Variants in PAK1 observed in about 807,000 individuals in gnomAD.
PAK1 encodes serine/threonine-protein kinase PAK 1.
PAK1 carries 29 observed loss-of-function variants against 67.4 expected under a neutral mutation model. The ratio of observed to expected loss-of-function variants is 0.43; its 90% CI spans 0.32 to 0.59. The LOEUF is 0.59. Ranked by LOEUF, PAK1 falls within the 20% of genes least tolerant of loss-of-function variation. The probability of loss-of-function intolerance (pLI) is 0.07; values close to 1 mark genes in which losing one functional copy is unlikely to be tolerated. For missense variants in PAK1, 337 were observed against 670.7 expected (o/e 0.50, Z 5.50); for synonymous variants, 223 against 237.4 (o/e 0.94, Z 0.56).
chr11:77,510,397 A>C, the PAK1 span, among the ~76,000 whole-genome samples: 1 of 152,166 alleles, frequency 6.6e-6, no homozygotes, highest in East Asian at 1.9e-4. Flanking sequence ...TGCCCAGCTA[A>C]TTGTTGTACT....
At chr11:77,513,920 C>T in the PAK1 span, among the ~76,000 whole-genome samples, 1 of 152,154 alleles carries the variant, frequency 6.6e-6, no homozygotes, top group African/African-American at 2.4e-5. Flanking sequence ...GTGCCAAGTA[C>T]TGTGCTGGAC....
intron 1 of PAK1, among the ~76,000 whole-genome samples, chr11:77,396,795 T>C (rs1374960971): frequency 6.6e-6 from 1 of 151,924 alleles, no homozygotes; most frequent in Non-Finnish European, 1.5e-5. Flanking sequence ...TTAAGGTTTC[T>C]ATACTACTTT....
chr11:77,380,216 G>A (rs140343879), intron 2 of PAK1, among the ~76,000 whole-genome samples: 450 of 152,254 alleles, frequency 3.0e-3, no homozygotes, highest in African/African-American at 0.01. Flanking sequence ...GGAGGTGGCC[G>A]GGCACGGTGG....
In PAK1 at chr11:77,353,532, TA is replaced by T; in HGVS notation, c.836+3del. On this transcript the variant is annotated splice_donor_region_variant and intron_variant, in intron 8 of 14. Transcript: ENST00000356341. ...CTCCAGGGAAAGAAAATGCCCCTAC[TA>T]ACCCTTGTCCAATCTTCTCAAACCG... 6.2e-7 allele frequency: 1 copy of T among 1,600,264 alleles called. No homozygotes were observed. Among genetic ancestry groups the T allele is most frequent in the Non-Finnish European group, 8.6e-7 (1 of 1,167,552 alleles).
intron 1 of PAK1, among the ~76,000 whole-genome samples, chr11:77,441,652 C>T (rs572449266): frequency 6.6e-6 from 1 of 152,352 alleles, no homozygotes; most frequent in Non-Finnish European, 1.5e-5. Flanking sequence ...AGAGAGAGAA[C>T]ATGACTTAGG....
intron 1 of PAK1, among the ~76,000 whole-genome samples, chr11:77,400,221 TA>T (rs1286185295): frequency 6.6e-6 from 1 of 152,084 alleles, no homozygotes; most frequent in African/African-American, 2.4e-5. Context: ...GACCACAGAA[TA>T]ACATAAATGT....
intron 2 of PAK1, among the ~76,000 whole-genome samples, chr11:77,385,141 G>C (rs1950293192): frequency 6.6e-6 from 1 of 152,104 alleles, no homozygotes; most frequent in Non-Finnish European, 1.5e-5. Flanking sequence ...AGCTTTTCCT[G>C]AGATTAAAAA....
chr11:77,452,235 T>C (rs1956891027), intron 1 of PAK1, among the ~76,000 whole-genome samples: 1 of 152,186 alleles, frequency 6.6e-6, no homozygotes, highest in South Asian at 2.1e-4. Flanking sequence ...ATTTTATAAA[T>C]AGGAAACTGG....
intron 1 of PAK1, among the ~76,000 whole-genome samples, chr11:77,425,927 T>C (rs1236342432): frequency 6.6e-6 from 1 of 151,972 alleles, no homozygotes; most frequent in Non-Finnish European, 1.5e-5. Context: ...TATGATCACA[T>C]AGCCTGGGTG....
At chr11:77,469,331 G>A (rs1457004848) in intron 1 of PAK1, among the ~76,000 whole-genome samples, 1 of 152,126 alleles carries the variant, frequency 6.6e-6, no homozygotes, top group African/African-American at 2.4e-5. Flanking sequence ...TATTCTGAGG[G>A]TTAAAAAGAA....
chr11:77,518,107 T>C, the PAK1 span, among the ~76,000 whole-genome samples: 1 of 152,224 alleles, frequency 6.6e-6, no homozygotes, highest in African/African-American at 2.4e-5. Flanking sequence ...TTATTCCAGA[T>C]TTCAATAATC....
the PAK1 span, among the ~76,000 whole-genome samples, chr11:77,523,625 G>A: frequency 3.9e-5 from 6 of 151,930 alleles, no homozygotes; most frequent in East Asian, 5.8e-4. Context: ...TCACTATGTT[G>A]GCCAGGCTGG....
At chr11:77,411,328 AG>A (rs1235264984) in intron 1 of PAK1, among the ~76,000 whole-genome samples, 1 of 152,006 alleles carries the variant, frequency 6.6e-6, no homozygotes, top group Non-Finnish European at 1.5e-5. Context: ...TGGCAACTCA[AG>A]CCACAGAGGA....
At chr11:77,526,915 C>T in the PAK1 span, among the ~76,000 whole-genome samples, 1 of 98,336 alleles carries the variant, frequency 1.0e-5, no homozygotes, top group Admixed American at 1.1e-4. Context: ...GACTCCATCG[C>T]AAAAAAAAAA....
intron 5 of PAK1, among the ~76,000 whole-genome samples, chr11:77,368,150 T>C (rs1446821661): frequency 6.6e-6 from 1 of 152,128 alleles, no homozygotes; most frequent in Non-Finnish European, 1.5e-5. Context: ...GCAGTATAAA[T>C]AGATGTAAAT....
At chr11:77,508,725 T>C in the PAK1 span, among the ~76,000 whole-genome samples, 1 of 148,982 alleles carries the variant, frequency 6.7e-6, no homozygotes, top group Non-Finnish European at 1.5e-5. Flanking sequence ...AGTGGCGCGA[T>C]CTTGGCTCAC....
At chr11:77,499,270 C>G in the PAK1 span, among the ~76,000 whole-genome samples, 4 of 151,776 alleles carry the variant, frequency 2.6e-5, no homozygotes, top group Non-Finnish European at 4.4e-5. Flanking sequence ...ATTATGTTAC[C>G]CAGTCTGGTC....
chr11:77,436,525 G>A (rs1956137807), intron 1 of PAK1, among the ~76,000 whole-genome samples: 1 of 152,136 alleles, frequency 6.6e-6, no homozygotes, highest in Non-Finnish European at 1.5e-5. Context: ...TACTGATTCA[G>A]AATTTTCATA....
chr11:77,366,942 A>G (rs1333791030), intron 5 of PAK1, among the ~76,000 whole-genome samples: 5 of 152,242 alleles, frequency 3.3e-5, no homozygotes, highest in African/African-American at 1.2e-4. Flanking sequence ...GAACAACCCA[A>G]GTACACATCA....
Sources: gnomAD v4.1 joint callset for allele counts (sites outside exome capture counted in the v4.1 genomes callset) on GRCh38, gnomAD v4.1.1 for gene constraint, MANE v1.5 for transcripts, NCBI Gene and HGNC (gene_info 2026-07-23, HGNC 2026-07-21) for gene names.